Variants in KCNJ12 observed in about 807,000 individuals in gnomAD.
KCNJ12 encodes the protein potassium inwardly rectifying channel subfamily J member 12.
A neutral mutation model predicts 22.3 loss-of-function variants in KCNJ12; 2 were observed. That is an observed-to-expected ratio of 0.09 (90% CI 0.04 to 0.28). The LOEUF (loss-of-function observed/expected upper bound fraction) is 0.28, where lower values mean the gene tolerates loss of function less well. Ranked by LOEUF, KCNJ12 falls within the 10% of genes least tolerant of loss-of-function variation. The pLI, the probability that KCNJ12 is intolerant of heterozygous loss-of-function variation, is 1.00. For synonymous variants in KCNJ12, 117 were observed against 261.4 expected (o/e 0.45, Z 5.33); for missense variants, 155 against 633.3 (o/e 0.24, Z 8.11).
chr17:21,407,789 A>G (rs1185816120), intron 1 of KCNJ12, among the ~76,000 whole-genome samples: 1 of 148,436 alleles, frequency 6.7e-6, no homozygotes, highest in Non-Finnish European at 1.5e-5. Flanking sequence ...CCATCCTATT[A>G]TCCATTCATC....
intron 1 of KCNJ12, among the ~76,000 whole-genome samples, chr17:21,382,905 AG>A (rs1241976748): frequency 6.6e-6 from 1 of 152,170 alleles, no homozygotes; most frequent in Non-Finnish European, 1.5e-5. Context: ...GGTGTACAGG[AG>A]GGTGCGACGT....
intron 1 of KCNJ12, among the ~76,000 whole-genome samples, chr17:21,383,207 C>G (rs529857429): frequency 6.6e-6 from 1 of 152,286 alleles, no homozygotes; most frequent in South Asian, 2.1e-4. Context: ...GCCCGCCCCG[C>G]TTGCTCCAGC....
intron 1 of KCNJ12, among the ~76,000 whole-genome samples, chr17:21,407,657 A>G (rs1204402545): frequency 6.6e-6 from 1 of 151,264 alleles, no homozygotes; most frequent in Non-Finnish European, 1.5e-5. Context: ...CCATCCACTC[A>G]GTCACCCACC....
intron 1 of KCNJ12, among the ~76,000 whole-genome samples, chr17:21,407,624 T>TATCCCTCC: frequency 7.7e-6 from 1 of 129,922 alleles, no homozygotes; most frequent in South Asian, 2.9e-4. Flanking sequence ...TTCACCCACC[T>TATCCCTCC]ATCCCTCCAT....
intron 1 of KCNJ12, among the ~76,000 whole-genome samples, chr17:21,394,121 C>T (rs1905275365): frequency 1.3e-5 from 2 of 152,104 alleles, no homozygotes; most frequent in Non-Finnish European, 1.5e-5. Flanking sequence ...GTGGGGATCT[C>T]GTCACGTGTC....
At chr17:21,391,351 G>A (rs1389805489) in intron 1 of KCNJ12, among the ~76,000 whole-genome samples, 1 of 152,200 alleles carries the variant, frequency 6.6e-6, no homozygotes, top group Non-Finnish European at 1.5e-5. Flanking sequence ...TGGAGGGGCT[G>A]TTACCTTTGG....
At chr17:21,388,760 C>CAAGG (rs1905136559) in intron 1 of KCNJ12, among the ~76,000 whole-genome samples, 1 of 152,230 alleles carries the variant, frequency 6.6e-6, no homozygotes, top group South Asian at 2.1e-4. Flanking sequence ...CCCAGCCAGG[C>CAAGG]AAGGAGTGGG....
intron 1 of KCNJ12, among the ~76,000 whole-genome samples, chr17:21,386,402 A>G (rs900146690): frequency 1.3e-5 from 2 of 152,092 alleles, no homozygotes; most frequent in Admixed American, 6.5e-5. Context: ...GCAACCTGGA[A>G]CTCACAGGCT....
intron 1 of KCNJ12, among the ~76,000 whole-genome samples, chr17:21,380,939 C>T (rs1555557847): frequency 6.6e-6 from 1 of 152,246 alleles, no homozygotes; most frequent in Admixed American, 6.5e-5. Context: ...CCACAGCTCA[C>T]TCCTTCCTGC....
intron 2 of KCNJ12, among the ~76,000 whole-genome samples, chr17:21,411,348 A>G (rs1295548651): frequency 6.6e-6 from 1 of 152,286 alleles, no homozygotes; most frequent in Non-Finnish European, 1.5e-5. Context: ...GTCTGTAGGC[A>G]CTGTGGCCAG....
In KCNJ12 at chr17:21,415,781, G is replaced by A. The variant is rs137885339; in HGVS notation, c.439G>A (p.Gly147Arg). The A allele has an allele frequency of 2.3e-4, 369 of 1,611,162 alleles. No homozygotes were observed. In the African/African-American group the frequency reaches 4.2e-3, roughly 18 times the overall value. Residue 147 changes from glycine (G) to arginine (R), a missense_variant, in exon 3 of 3, where the codon GGG (glycine) becomes AGG (arginine). By Grantham distance (125) the Gly-to-Arg change is moderately radical (BLOSUM62 -2). Coordinates refer to ENST00000583088, the MANE Select transcript of KCNJ12 (RefSeq NM_021012.5). ...CGAGACGCAGACCACCATCGGCTACGGGCTGCGCTGTGTGACGGAGGAGTG... is the reference window on the plus strand; with the variant it reads ...CGAGACGCAGACCACCATCGGCTACAGGCTGCGCTGTGTGACGGAGGAGTG... ...SIETQTTIGY[G>R]LRCVTEECPV... is the part of the protein sequence containing the mutation.
At chr17:21,395,612 A>AAGG (rs1247716379) in intron 1 of KCNJ12, among the ~76,000 whole-genome samples, 2 of 151,960 alleles carry the variant, frequency 1.3e-5, no homozygotes, top group African/African-American at 4.8e-5. Context: ...AAAAGAAAAA[A>AAGG]AGGAAATAAT....
chr17:21,398,158 C>T (rs2142059553), intron 1 of KCNJ12, among the ~76,000 whole-genome samples: 1 of 152,134 alleles, frequency 6.6e-6, no homozygotes, highest in East Asian at 1.9e-4. Flanking sequence ...AGCAGACACA[C>T]AGAGATCCCC....
At chr17:21,405,082 G>A in intron 1 of KCNJ12, 1 of 152,738 alleles carries the variant, frequency 6.5e-6, no homozygotes. Flanking sequence ...GGCAGATCCT[G>A]CCCTTGTGCG....
At chr17:21,394,891 A>G (rs1032995190) in intron 1 of KCNJ12, among the ~76,000 whole-genome samples, 2 of 152,202 alleles carry the variant, frequency 1.3e-5, no homozygotes, top group Admixed American at 1.3e-4. Flanking sequence ...GGCCACAGCA[A>G]ACGGGTCCCT....
intron 1 of KCNJ12, among the ~76,000 whole-genome samples, chr17:21,406,647 C>T (rs1383485423): frequency 6.6e-6 from 1 of 152,308 alleles, no homozygotes; most frequent in Non-Finnish European, 1.5e-5. Context: ...CACTCAAGGT[C>T]ACACAGCTTA....
intron 1 of KCNJ12, among the ~76,000 whole-genome samples, chr17:21,392,551 C>G (rs1905235602): frequency 1.3e-5 from 2 of 152,256 alleles, no homozygotes; most frequent in African/African-American, 4.8e-5. Flanking sequence ...GGAGCCCCAC[C>G]AGGGCTGCAC....
At chr17:21,402,747 G>T (rs1440610802) in intron 1 of KCNJ12, among the ~76,000 whole-genome samples, 2 of 152,296 alleles carry the variant, frequency 1.3e-5, no homozygotes, top group Non-Finnish European at 1.5e-5. Context: ...GACAGGTTAT[G>T]GGGGGCTGAG....
intron 1 of KCNJ12, among the ~76,000 whole-genome samples, chr17:21,378,297 G>T (rs569603601): frequency 6.6e-6 from 1 of 152,236 alleles, no homozygotes; most frequent in Non-Finnish European, 1.5e-5. Context: ...TCAGCCCTGG[G>T]CGCCACCAGA....
Sources: gnomAD v4.1 joint callset for allele counts (sites outside exome capture counted in the v4.1 genomes callset) on GRCh38, gnomAD v4.1.1 for gene constraint, MANE v1.5 for transcripts, NCBI Gene and HGNC (gene_info 2026-07-23, HGNC 2026-07-21) for gene names.